THSD4: variants seen among roughly 807,000 people sequenced by gnomAD.
The protein encoded by THSD4 is thrombospondin type-1 domain-containing protein 4.
Under a neutral mutation model 119.0 loss-of-function variants are expected in THSD4, and 69 were observed. The observed-to-expected ratio is 0.58, with a 90% confidence interval of 0.48 to 0.71. THSD4 has a LOEUF of 0.71. Ranked by LOEUF, THSD4 falls within the 30% of genes least tolerant of loss-of-function variation. The pLI, the probability that THSD4 is intolerant of heterozygous loss-of-function variation, is 0.00. For synonymous variants in THSD4, 524 were observed against 540.4 expected (o/e 0.97, Z 0.42); for missense variants, 1,393 against 1,391.1 (o/e 1.00, Z -0.02).
chr15:71,411,542 T>G, intron 6 of THSD4, 145 bp from the exon 7 acceptor site: 1 of 794,468 alleles, frequency 1.3e-6, no homozygotes, highest in Non-Finnish European at 1.9e-6. Context: ...CTTATTGAAC[T>G]GTATAGTTGG....
intron 7 of THSD4, among the ~76,000 whole-genome samples, chr15:71,562,010 C>T (rs1251818735): frequency 6.6e-6 from 1 of 151,946 alleles, no homozygotes; most frequent in African/African-American, 2.4e-5. Context: ...TAATAAGGAA[C>T]CTCAGAGATA....
chr15:71,560,531 T>C (rs1175742007), intron 7 of THSD4, among the ~76,000 whole-genome samples: 9 of 152,242 alleles, frequency 5.9e-5, no homozygotes, highest in Non-Finnish European at 1.3e-4. Flanking sequence ...TGAGATGGGA[T>C]TGAAGAATGC....
intron 8 of THSD4, among the ~76,000 whole-genome samples, chr15:71,664,019 G>C (rs978567711): frequency 2.7e-5 from 4 of 150,300 alleles, no homozygotes; most frequent in Non-Finnish European, 5.9e-5. Context: ...GTCTCACTCT[G>C]TCGCCCAGGC....
intron 10 of THSD4, among the ~76,000 whole-genome samples, chr15:71,735,526 A>C (rs1470772724): frequency 2.5e-3 from 245 of 98,064 alleles, no homozygotes; most frequent in Middle Eastern, 8.8e-3. Flanking sequence ...CTCTCTTACC[A>C]TCTCCCTCTC....
intron 6 of THSD4, among the ~76,000 whole-genome samples, chr15:71,364,107 C>T (rs1273958631): frequency 6.6e-6 from 1 of 152,082 alleles, no homozygotes. Context: ...ACGCCTTCAC[C>T]AGAAGTAACC....
intron 16 of THSD4, among the ~76,000 whole-genome samples, chr15:71,768,407 G>A (rs1262763131): frequency 6.6e-6 from 1 of 152,122 alleles, no homozygotes; most frequent in African/African-American, 2.4e-5. Flanking sequence ...ATGGGCAACT[G>A]CAGAACAAAT....
intron 7 of THSD4, among the ~76,000 whole-genome samples, chr15:71,580,919 TAC>T (rs149845297): frequency 2.0e-5 from 3 of 151,676 alleles, no homozygotes; most frequent in South Asian, 2.1e-4. Flanking sequence ...GTTATATATA[TAC>T]ACACACACAC....
intron 6 of THSD4, among the ~76,000 whole-genome samples, chr15:71,407,031 C>A (rs764039747): frequency 6.6e-6 from 1 of 152,050 alleles, no homozygotes; most frequent in African/African-American, 2.4e-5. Context: ...TTATGTCTTC[C>A]TGATGGATTG....
At chr15:71,654,053 T>C (rs2051142427) in intron 7 of THSD4, among the ~76,000 whole-genome samples, 1 of 152,250 alleles carries the variant, frequency 6.6e-6, no homozygotes, top group Admixed American at 6.5e-5. Flanking sequence ...TTGTCGACTT[T>C]CCTGTTTGTG....
At chr15:71,308,128 G>A (rs1334448275) in intron 6 of THSD4, among the ~76,000 whole-genome samples, 1 of 152,126 alleles carries the variant, frequency 6.6e-6, no homozygotes, top group African/African-American at 2.4e-5. Flanking sequence ...AATACTGGGT[G>A]GTCTATGTTC....
chr15:71,098,189 C>CTT lies in THSD4; in HGVS notation c.-80+1206_-80+1207dup, dbSNP rs55726832. 6.6e-3 allele frequency among the ~76,000 whole-genome samples: 546 copies of CTT among 82,926 alleles called. 2 individuals are homozygous for CTT. Among genetic ancestry groups the CTT allele is most frequent in the African/African-American group, 0.017 (270 of 15,744 alleles). 54.4% of individuals were successfully genotyped at this position (82,926 alleles called of 152,430 possible). On this transcript the variant is annotated intron_variant, in intron 1 of 17. Coordinates refer to the THSD4 transcript ENST00000355327. ...TAACTTTCCAATAAAAATTCTTTCA[C>CTT]TTTTTTTTTTTTTTTTTTTTTTTTG... is the stretch of plus-strand genomic sequence containing the variant.
chr15:71,331,516 G>A (rs1397102444), intron 6 of THSD4, among the ~76,000 whole-genome samples: 2 of 152,194 alleles, frequency 1.3e-5, no homozygotes, highest in African/African-American at 4.8e-5. Flanking sequence ...TGGCTCCACA[G>A]GCACCATGGG....
At chr15:71,368,295 C>A (rs943875608) in intron 6 of THSD4, among the ~76,000 whole-genome samples, 1 of 152,138 alleles carries the variant, frequency 6.6e-6, no homozygotes, top group South Asian at 2.1e-4. Context: ...TGAATTAGAT[C>A]CCATTTGTCA....
At chr15:71,419,495 G>A (rs1318687682) in intron 7 of THSD4, among the ~76,000 whole-genome samples, 1 of 107,564 alleles carries the variant, frequency 9.3e-6, no homozygotes, top group East Asian at 3.1e-4. Context: ...CACCATGCCT[G>A]GTCTATTATT....
At chr15:71,675,174 A>G (rs981986515) in intron 8 of THSD4, among the ~76,000 whole-genome samples, 3 of 152,140 alleles carry the variant, frequency 2.0e-5, no homozygotes, top group African/African-American at 7.2e-5. Context: ...CCCCAACAAC[A>G]GAAGTACCAT....
intron 8 of THSD4, among the ~76,000 whole-genome samples, chr15:71,681,197 G>T (rs1317889396): frequency 6.6e-6 from 1 of 151,934 alleles, no homozygotes; most frequent in Admixed American, 6.6e-5. Context: ...TTACAGGCAT[G>T]AGCCACTGCT....
At chr15:71,637,724 A>G (rs983008970) in intron 7 of THSD4, among the ~76,000 whole-genome samples, 6 of 151,464 alleles carry the variant, frequency 4.0e-5, no homozygotes, top group African/African-American at 1.5e-4. Context: ...GTTGCACATT[A>G]TGAATTTTTT....
intron 7 of THSD4, among the ~76,000 whole-genome samples, chr15:71,627,232 T>C (rs1358846511): frequency 6.6e-6 from 1 of 152,246 alleles, no homozygotes; most frequent in Non-Finnish European, 1.5e-5. Context: ...CAGTGTGTTC[T>C]ATTCATCCAT....
intron 6 of THSD4, among the ~76,000 whole-genome samples, chr15:71,361,695 T>C (rs561073921): frequency 6.6e-6 from 1 of 152,332 alleles, no homozygotes; most frequent in Admixed American, 6.5e-5. Context: ...CTCATGATCA[T>C]CCATTGTAGT....
Sources: allele counts gnomAD v4.1 joint callset (sites outside exome capture counted in the v4.1 genomes callset), GRCh38; gene constraint gnomAD v4.1.1; transcripts MANE v1.5; gene names NCBI Gene and HGNC (gene_info 2026-07-23, HGNC 2026-07-21).